Variants in XKR6 observed in about 807,000 individuals in gnomAD.
XKR6 encodes the protein XK-related protein 6.
XKR6 carries 22 observed loss-of-function variants against 56.7 expected under a neutral mutation model. The ratio of observed to expected loss-of-function variants is 0.39; its 90% confidence interval spans 0.28 to 0.55. The LOEUF (loss-of-function observed/expected upper bound fraction) is 0.55. Among genes scored for constraint, XKR6 ranks in the 20% least tolerant of loss-of-function variants. The pLI, the probability that XKR6 is intolerant of heterozygous loss-of-function variation, is 0.66. For missense variants in XKR6, 852 were observed against 889.0 expected (o/e 0.96, Z 0.53); for synonymous variants, 524 against 387.8 (o/e 1.35, Z -4.13).
intron 1 of XKR6, among the ~76,000 whole-genome samples, chr8:11,120,188 C>T (rs1277151022): frequency 2.0e-5 from 3 of 152,092 alleles, no homozygotes; most frequent in African/African-American, 2.4e-5. Context: ...CTGGCCAGGG[C>T]AATCAGGCAG....
In XKR6 at chr8:11,201,571, C is replaced by T. The variant is rs748477566; in HGVS notation, c.-232G>A. ...CGCACGGCGCCCGCAGCTCCCCAGC[C>T]CTACCCTCCCGGCCAAGATGGCCGC... On this transcript the variant is annotated 5_prime_UTR_variant, in exon 1 of 3. Coordinates refer to ENST00000416569, the MANE Select transcript of XKR6 (RefSeq NM_173683.4). Among the ~76,000 whole-genome samples the T allele has an allele frequency of 6.6e-6, 1 of 152,098 alleles. No homozygotes were observed. Among genetic ancestry groups the T allele is most frequent in the Non-Finnish European group, 1.5e-5 (1 of 68,004 alleles).
intron 1 of XKR6, among the ~76,000 whole-genome samples, chr8:11,023,410 G>T (rs1460372090): frequency 2.0e-5 from 3 of 152,182 alleles, no homozygotes; most frequent in African/African-American, 7.2e-5. Flanking sequence ...TGGAACTCTA[G>T]GCAGTGCCAC....
intron 1 of XKR6, among the ~76,000 whole-genome samples, chr8:11,125,019 G>A (rs1322695628): frequency 3.3e-5 from 5 of 150,702 alleles, no homozygotes; most frequent in African/African-American, 9.8e-5. Flanking sequence ...AACCCGGGAG[G>A]TGGAGCTTGC....
chr8:11,119,104 T>C (rs1365079245), intron 1 of XKR6, among the ~76,000 whole-genome samples: 1 of 152,140 alleles, frequency 6.6e-6, no homozygotes, highest in Admixed American at 6.5e-5. Context: ...TCAGTTTCCA[T>C]GTAGTTGAGC....
intron 1 of XKR6, among the ~76,000 whole-genome samples, chr8:11,068,148 G>A (rs1563115520): frequency 6.6e-6 from 1 of 152,298 alleles, no homozygotes; most frequent in East Asian, 1.9e-4. Context: ...TCTGCTCTTT[G>A]TGGCCCTAGA....
intron 1 of XKR6, among the ~76,000 whole-genome samples, chr8:11,016,964 T>C (rs1798639496): frequency 6.6e-6 from 1 of 152,170 alleles, no homozygotes; most frequent in African/African-American, 2.4e-5. Flanking sequence ...AGAGATTAGA[T>C]AGAGATTAGA....
At chr8:11,016,621 G>A (rs1162057059) in intron 1 of XKR6, among the ~76,000 whole-genome samples, 1 of 152,186 alleles carries the variant, frequency 6.6e-6, no homozygotes, top group East Asian at 1.9e-4. Context: ...CCTCGGTAGG[G>A]GGCGTTCCAA....
intron 1 of XKR6, among the ~76,000 whole-genome samples, chr8:11,071,937 T>C (rs907712389): frequency 2.0e-5 from 3 of 152,212 alleles, no homozygotes; most frequent in South Asian, 2.1e-4. Context: ...AGATCATATA[T>C]AGACCTCCAA....
chr8:10,939,859 G>GGAGAACT (rs1261417729), intron 1 of XKR6, among the ~76,000 whole-genome samples: 1 of 152,188 alleles, frequency 6.6e-6, no homozygotes, highest in Non-Finnish European at 1.5e-5. Context: ...GGCGTCCTTG[G>GGAGAACT]GAGAACTGCT....
intron 1 of XKR6, among the ~76,000 whole-genome samples, chr8:10,927,451 CA>C (rs1187742174): frequency 2.0e-5 from 3 of 152,156 alleles, no homozygotes; most frequent in Non-Finnish European, 4.4e-5. Flanking sequence ...CTAATGGTCT[CA>C]GGGGTACTCA....
chr8:11,041,363 CTGGCCAACATGG>C (rs1464898976), intron 1 of XKR6, among the ~76,000 whole-genome samples: 2 of 152,218 alleles, frequency 1.3e-5, no homozygotes, highest in East Asian at 3.9e-4. Context: ...TGAGATCAGT[CTGGCCAACATGG>C]TGAAACCCCG....
chr8:11,091,844 T>C (rs1798083402), intron 1 of XKR6, among the ~76,000 whole-genome samples: 1 of 152,218 alleles, frequency 6.6e-6, no homozygotes, highest in Admixed American at 6.5e-5. Context: ...CCTCCTCTCA[T>C]ACTCACTTTT....
intron 1 of XKR6, among the ~76,000 whole-genome samples, chr8:11,186,907 C>T (rs1803305817): frequency 6.6e-6 from 1 of 152,108 alleles, no homozygotes; most frequent in South Asian, 2.1e-4. Context: ...GGATTTACTG[C>T]CTCTCATATT....
chr8:10,969,702 C>A (rs576599550), intron 1 of XKR6, among the ~76,000 whole-genome samples: 2 of 152,304 alleles, frequency 1.3e-5, no homozygotes, highest in South Asian at 2.1e-4. Flanking sequence ...AAGGACTGAA[C>A]GTGAAAGATG....
At chr8:11,060,365 T>G (rs1799799155) in intron 1 of XKR6, among the ~76,000 whole-genome samples, 1 of 152,168 alleles carries the variant, frequency 6.6e-6, no homozygotes. Context: ...GCATCCAGCC[T>G]GCACTGCAGA....
intron 1 of XKR6, among the ~76,000 whole-genome samples, chr8:11,147,559 G>A (rs983958698): frequency 8.6e-5 from 13 of 151,178 alleles, no homozygotes; most frequent in Admixed American, 3.3e-4. Flanking sequence ...AGGAGGCTGA[G>A]ACAGGAGAAT....
chr8:10,981,202 A>C (rs1482700473), intron 1 of XKR6, among the ~76,000 whole-genome samples: 1 of 152,220 alleles, frequency 6.6e-6, no homozygotes, highest in Non-Finnish European at 1.5e-5. Flanking sequence ...AGCTGTGGCC[A>C]CTTTTCCATG....
chr8:10,900,039 C>T (rs544744119), intron 2 of XKR6, among the ~76,000 whole-genome samples: 1 of 152,170 alleles, frequency 6.6e-6, no homozygotes, highest in East Asian at 1.9e-4. Context: ...TTCCACAGTC[C>T]ATCTGGGGCC....
intron 1 of XKR6, chr8:11,035,064 T>C: frequency 2.4e-6 from 1 of 409,716 alleles, no homozygotes; most frequent in Non-Finnish European, 5.1e-6. Flanking sequence ...TTACTGATTC[T>C]TTCTGAGCTT....
Sources: gnomAD v4.1 joint callset for allele counts (sites outside exome capture counted in the v4.1 genomes callset) on GRCh38, gnomAD v4.1.1 for gene constraint, MANE v1.5 for transcripts, NCBI Gene and HGNC (gene_info 2026-07-23, HGNC 2026-07-21) for gene names.